UBE2U: variants seen among roughly 807,000 people sequenced by gnomAD.
The protein encoded by UBE2U is ubiquitin conjugating enzyme E2 U, also known as ubiquitin-conjugating enzyme E2 U.
Under a neutral mutation model 41.2 loss-of-function variants are expected in UBE2U, and 39 were observed. That is an observed-to-expected ratio of 0.95 (90% CI 0.73 to 1.24). The LOEUF (loss-of-function observed/expected upper bound fraction) is 1.24. UBE2U is among the 50% of genes most tolerant of loss of function. The pLI, the probability that UBE2U is intolerant of heterozygous loss-of-function variation, is 0.00. For synonymous variants in UBE2U, 107 were observed against 117.8 expected, an observed-to-expected ratio of 0.91 and a Z score of 0.60; for missense variants, 336 against 363.1, an observed-to-expected ratio of 0.93 and a Z score of 0.61.
intron 7 of UBE2U, among the ~76,000 whole-genome samples, chr1:64,239,171 A>AGAAGAAGAG (rs1644778854): frequency 1.1e-5 from 1 of 90,906 alleles, no homozygotes; most frequent in Non-Finnish European, 2.1e-5. Flanking sequence ...AAGAAGAAGA[A>AGAAGAAGAG]GAAGAAGAAG....
chr1:64,250,204 A>AC, intron 8 of UBE2U, among the ~76,000 whole-genome samples: 1 of 152,290 alleles, frequency 6.6e-6, no homozygotes, highest in Non-Finnish European at 1.5e-5. Context: ...TAAAATAAAA[A>AC]CGTTTTTTGA....
intron 9 of UBE2U, among the ~76,000 whole-genome samples, chr1:64,265,244 G>C (rs1645238580): frequency 6.6e-6 from 1 of 152,106 alleles, no homozygotes; most frequent in African/African-American, 2.4e-5. Flanking sequence ...AAAACATTCA[G>C]TCTTGCTCTC....
intron 6 of UBE2U, among the ~76,000 whole-genome samples, chr1:64,223,957 T>C (rs531276395): frequency 6.6e-6 from 1 of 152,164 alleles, no homozygotes; most frequent in African/African-American, 2.4e-5. Flanking sequence ...AAATGAATCA[T>C]GAATGCCAGG....
At chr1:64,225,953 T>G (rs1193759414) in intron 6 of UBE2U, among the ~76,000 whole-genome samples, 1 of 152,226 alleles carries the variant, frequency 6.6e-6, no homozygotes, top group African/African-American at 2.4e-5. Context: ...TTGAAACAGT[T>G]TAAGTTTCTT....
At chr1:64,230,142 T>G (rs1274398084) in intron 6 of UBE2U, among the ~76,000 whole-genome samples, 19 of 152,048 alleles carry the variant, frequency 1.2e-4, no homozygotes, top group Admixed American at 1.2e-3. Flanking sequence ...TCAACTCATC[T>G]CCTCCCTTTC....
intron 5 of UBE2U, among the ~76,000 whole-genome samples, chr1:64,215,180 G>A (rs1357806535): frequency 1.3e-5 from 2 of 151,950 alleles, no homozygotes; most frequent in South Asian, 2.1e-4. Flanking sequence ...GCGGTGAGCC[G>A]AGATCATGCC....
At chr1:64,247,864 C>CAA (rs71056034) in intron 8 of UBE2U, among the ~76,000 whole-genome samples, 10 of 127,888 alleles carry the variant, frequency 7.8e-5, no homozygotes, top group South Asian at 2.5e-4. Flanking sequence ...ACCTGTCTCA[C>CAA]AAAAAAAAAA....
intron 8 of UBE2U, among the ~76,000 whole-genome samples, chr1:64,245,379 C>G (rs909079290): frequency 6.6e-6 from 1 of 152,178 alleles, no homozygotes; most frequent in African/African-American, 2.4e-5. Flanking sequence ...ACATATAAAA[C>G]TATGTTTGTG....
intron 8 of UBE2U, among the ~76,000 whole-genome samples, chr1:64,258,271 A>G (rs938786864): frequency 6.6e-6 from 1 of 152,198 alleles, no homozygotes; most frequent in Non-Finnish European, 1.5e-5. Context: ...TATTAAATGA[A>G]TGAACTTTCT....
chr1:64,211,401 T>G (rs1485658970), intron 4 of UBE2U, among the ~76,000 whole-genome samples: 3 of 152,290 alleles, frequency 2.0e-5, no homozygotes, highest in Admixed American at 2.0e-4. Flanking sequence ...GGACCCATGG[T>G]CCTTAGAAGC....
chr1:64,208,664 G>A (rs1188178105), intron 3 of UBE2U, among the ~76,000 whole-genome samples: 1 of 101,508 alleles, frequency 9.9e-6, no homozygotes, highest in African/African-American at 3.8e-5. Context: ...ATTCCCAACA[G>A]CAATGTTAGA....
At chr1:64,238,685 A>AT (rs1293726124) in intron 7 of UBE2U, among the ~76,000 whole-genome samples, 2 of 151,684 alleles carry the variant, frequency 1.3e-5, no homozygotes, top group Admixed American at 6.6e-5. Flanking sequence ...TCAGTTAAAA[A>AT]TTTTTTTTTC....
At chr1:64,222,887 A>G (rs532538811) in intron 6 of UBE2U, among the ~76,000 whole-genome samples, 69 of 152,342 alleles carry the variant, frequency 4.5e-4, no homozygotes, top group African/African-American at 1.7e-3. Context: ...CCCGGTTTCT[A>G]AAAGACATAG....
chr1:64,213,772 A>G (rs1265411858), intron 4 of UBE2U, among the ~76,000 whole-genome samples: 1 of 152,220 alleles, frequency 6.6e-6, no homozygotes, highest in Non-Finnish European at 1.5e-5. Flanking sequence ...GAGTTGTTAC[A>G]CATTTCATCG....
chr1:64,222,435 G>A (rs1652555795), intron 6 of UBE2U, among the ~76,000 whole-genome samples: 1 of 152,170 alleles, frequency 6.6e-6, no homozygotes, highest in South Asian at 2.1e-4. Context: ...GACCTTCTGT[G>A]GTCTCAGCTT....
chr1:64,260,800 G>C, intron 9 of UBE2U, 106 bp downstream of exon 9: 1 of 803,446 alleles, frequency 1.2e-6, no homozygotes, highest in Non-Finnish European at 1.9e-6. Flanking sequence ...ATATATGAGG[G>C]CTAATCCTTG....
intron 6 of UBE2U, among the ~76,000 whole-genome samples, chr1:64,229,373 T>C (rs1430917984): frequency 1.3e-5 from 2 of 152,158 alleles, no homozygotes; most frequent in African/African-American, 4.8e-5. Context: ...ATCAAGGCAA[T>C]GGAGACCAGC....
At chr1:64,209,225 T>C (rs1651508868) in intron 3 of UBE2U, among the ~76,000 whole-genome samples, 1 of 152,196 alleles carries the variant, frequency 6.6e-6, no homozygotes, top group Non-Finnish European at 1.5e-5. Context: ...GGGGAGGTAC[T>C]CTTATCCCCT....
chr1:64,204,882 G>A (rs531932855), intron 1 of UBE2U, among the ~76,000 whole-genome samples: 1 of 152,162 alleles, frequency 6.6e-6, no homozygotes, highest in Non-Finnish European at 1.5e-5. Context: ...GAGATGTTAG[G>A]AACAATTATG....
Sources: allele counts gnomAD v4.1 joint callset (sites outside exome capture counted in the v4.1 genomes callset), GRCh38; gene constraint gnomAD v4.1.1; transcripts MANE v1.5; gene names NCBI Gene and HGNC (gene_info 2026-07-23, HGNC 2026-07-21).